COL4A6: variants seen among roughly 807,000 people sequenced by gnomAD.
The protein encoded by COL4A6 is collagen type IV alpha 6 chain, also known as collagen alpha-6(IV) chain.
Under a neutral mutation model 126.7 loss-of-function variants are expected in COL4A6, and 59 were observed. The observed-to-expected ratio is 0.47, with a 90% CI of 0.38 to 0.58. The LOEUF (loss-of-function observed/expected upper bound fraction) is 0.58. Ranked by LOEUF, COL4A6 falls within the 20% of genes least tolerant of loss-of-function variation. COL4A6 has a pLI of 0.00. For synonymous variants in COL4A6, 547 were observed against 496.6 expected (o/e 1.10, Z -1.35); for missense variants, 1,285 against 1,337.3 (o/e 0.96, Z 0.61).
chrX:108,240,389 T>G (rs756958620), intron 3 of COL4A6, among the ~76,000 whole-genome samples: 1 of 112,694 alleles, frequency 8.9e-6, no homozygotes, highest in East Asian at 2.8e-4. Context: ...TACATCTGTT[T>G]GTAGAATTTA....
intron 2 of COL4A6, among the ~76,000 whole-genome samples, chrX:108,395,825 G>A (rs192787766): frequency 9.0e-6 from 1 of 111,688 alleles, no homozygotes; most frequent in Non-Finnish European, 1.9e-5. Context: ...AAGAGGGGCT[G>A]ACGTCATTTT....
At chrX:108,406,639 A>G (rs1479241491) in intron 2 of COL4A6, among the ~76,000 whole-genome samples, 2 of 111,699 alleles carry the variant, frequency 1.8e-5, no homozygotes, top group East Asian at 2.8e-4. Flanking sequence ...TTGTGGGTAC[A>G]TAGTAGGTGT....
intron 2 of COL4A6, among the ~76,000 whole-genome samples, chrX:108,329,179 T>C (rs2039233928): frequency 9.0e-6 from 1 of 111,267 alleles, no homozygotes; most frequent in East Asian, 2.8e-4. Context: ...CAGTCAAAAG[T>C]AATATTTTGT....
At chrX:108,193,540 C>G in intron 17 of COL4A6, 88 bp downstream of exon 17, 1 of 796,599 alleles carries the variant, frequency 1.3e-6, no homozygotes, top group South Asian at 2.4e-5. Flanking sequence ...AATCGAGTAA[C>G]TAACAAAGTA....
At chrX:108,410,492 A>G (rs774024878) in intron 2 of COL4A6, among the ~76,000 whole-genome samples, 1 of 111,466 alleles carries the variant, frequency 9.0e-6, no homozygotes, top group Admixed American at 9.5e-5. Context: ...ACACTTTTCT[A>G]AATTAAATAA....
chrX:108,397,099 T>TG (rs970736577), intron 2 of COL4A6, among the ~76,000 whole-genome samples: 13 of 112,039 alleles, frequency 1.2e-4, no homozygotes, highest in Admixed American at 1.9e-4. Context: ...ATTGGGACTC[T>TG]TCAACCAAGA....
intron 2 of COL4A6, among the ~76,000 whole-genome samples, chrX:108,399,373 C>T (rs1222604021): frequency 5.4e-5 from 6 of 111,318 alleles, no homozygotes; most frequent in African/African-American, 2.0e-4. Flanking sequence ...TTCATTAGTA[C>T]TAGACCTATC....
At chrX:108,365,986 AT>A (rs1426871044) in intron 2 of COL4A6, among the ~76,000 whole-genome samples, 3 of 111,742 alleles carry the variant, frequency 2.7e-5, no homozygotes, top group African/African-American at 9.8e-5. Context: ...GAGGGGTCTA[AT>A]AAAGGCATAA....
intron 3 of COL4A6, among the ~76,000 whole-genome samples, chrX:108,286,419 T>C (rs1049079616): frequency 8.9e-6 from 1 of 111,990 alleles, no homozygotes; most frequent in Admixed American, 9.5e-5. Flanking sequence ...CTATTTCAGT[T>C]TTCCCATTCT....
chrX:108,284,308 CGGGGGCTG>C (rs1050652443), intron 3 of COL4A6, among the ~76,000 whole-genome samples: 1 of 24,884 alleles, frequency 4.0e-5, no homozygotes, highest in African/African-American at 1.7e-4. Flanking sequence ...TGGGGCCTGT[CGGGGGCTG>C]GGGGGCTGGG....
At chrX:108,407,175 A>G (rs949964080) in intron 2 of COL4A6, among the ~76,000 whole-genome samples, 3 of 112,274 alleles carry the variant, frequency 2.7e-5, no homozygotes, top group African/African-American at 9.7e-5. Flanking sequence ...TATGGTTGCT[A>G]AAAGCAACTT....
chrX:108,273,009 T>C (rs1054156156), intron 3 of COL4A6, among the ~76,000 whole-genome samples: 7 of 110,418 alleles, frequency 6.3e-5, no homozygotes, highest in Non-Finnish European at 1.3e-4. Context: ...TATGTATACA[T>C]GTGCCATGTT....
At position 108,188,519 on chromosome X, in the gene COL4A6, G is replaced by A; in HGVS notation, c.1585C>T (p.Pro529Ser). 1 of 1,106,399 alleles carries A rather than the reference G, an allele frequency of 9.0e-7. No individual in the cohort carries two copies. Among genetic ancestry groups the A allele is most frequent in the Non-Finnish European group, 1.2e-6 (1 of 843,427 alleles). The allele number at this position is 1,106,399 out of a possible 1,213,427, so 91.2% of individuals were successfully genotyped here. A position where few individuals can be genotyped will look rare whatever the true frequency, so the allele number is the denominator to read the frequency against. Residue 529 changes from proline (P) to serine (S), a missense_variant and splice_region_variant, in exon 21 of 45, where the codon CCA (proline) becomes TCA (serine). Coordinates refer to ENST00000334504, the MANE Select transcript of COL4A6 (RefSeq NM_033641.4). ...SGGAQGPAGA[P>S]GLVGPLGPSG... ...GGTCAAAGTTTGGCAAGACTTACTG[G>A]AGCCCCTGCTGGGCCCTGTGCACCC... is the stretch of plus-strand genomic sequence containing the variant.
At chrX:108,316,641 T>C in intron 2 of COL4A6, among the ~76,000 whole-genome samples, 1 of 111,789 alleles carries the variant, frequency 8.9e-6, no homozygotes, top group Middle Eastern at 4.6e-3. Flanking sequence ...AACTTTAGGG[T>C]GGGGCTCAGA....
intron 2 of COL4A6, among the ~76,000 whole-genome samples, chrX:108,343,755 A>T (rs2039640663): frequency 9.2e-6 from 1 of 108,984 alleles, no homozygotes; most frequent in Non-Finnish European, 1.9e-5. Flanking sequence ...AATTAGGTTG[A>T]AAATGAACAT....
intron 3 of COL4A6, among the ~76,000 whole-genome samples, chrX:108,269,653 A>T (rs1344006335): frequency 8.9e-6 from 1 of 112,029 alleles, no homozygotes; most frequent in Non-Finnish European, 1.9e-5. Context: ...AGTAATAAGC[A>T]TGTTGACACA....
intron 3 of COL4A6, among the ~76,000 whole-genome samples, chrX:108,232,751 A>G (rs2036340538): frequency 9.0e-6 from 1 of 111,518 alleles, no homozygotes; most frequent in Admixed American, 9.6e-5. Context: ...AAATGGGGAT[A>G]TTACTTGCTC....
At chrX:108,211,081 C>G (rs2035687321) in intron 7 of COL4A6, among the ~76,000 whole-genome samples, 1 of 111,803 alleles carries the variant, frequency 8.9e-6, no homozygotes, top group South Asian at 3.8e-4. Flanking sequence ...TCATTTGGAG[C>G]CAGGGTTTAC....
intron 3 of COL4A6, among the ~76,000 whole-genome samples, chrX:108,261,362 G>A (rs1330978716): frequency 9.0e-6 from 1 of 111,386 alleles, no homozygotes; most frequent in African/African-American, 3.3e-5. Flanking sequence ...CCTGGAGTGG[G>A]TAGGGGTTCC....
Sources: gnomAD v4.1 joint callset for allele counts (sites outside exome capture counted in the v4.1 genomes callset) on GRCh38, gnomAD v4.1.1 for gene constraint, MANE v1.5 for transcripts, NCBI Gene and HGNC (gene_info 2026-07-23, HGNC 2026-07-21) for gene names.